The following NOMO3 variants were observed in gnomAD, a reference collection of about 807,000 sequenced individuals.
NOMO3 encodes BOS complex subunit NOMO3.
A neutral mutation model predicts 69.9 loss-of-function variants in NOMO3; 15 were observed. That is an observed-to-expected ratio of 0.21 (90% CI 0.14 to 0.33). The LOEUF (loss-of-function observed/expected upper bound fraction) is 0.33, where lower values mean the gene tolerates loss of function less well. Among genes scored for constraint, NOMO3 ranks in the 10% least tolerant of loss-of-function variants. The probability of loss-of-function intolerance (pLI) is 1.00; values close to 1 mark genes in which losing one functional copy is unlikely to be tolerated. For missense variants in NOMO3, 218 were observed against 761.0 expected, an observed-to-expected ratio of 0.29 and a Z score of 8.39; for synonymous variants, 89 against 301.9, an observed-to-expected ratio of 0.29 and a Z score of 7.31.
At chr16:16,255,423 G>T (rs561370864) in intron 9 of NOMO3, among the ~76,000 whole-genome samples, 6 of 135,386 alleles carry the variant, frequency 4.4e-5, no homozygotes, top group African/African-American at 1.7e-4. Flanking sequence ...ATGGCACAGG[G>T]GTAAGGGTGG....
In NOMO3 at chr16:16,257,717, A is replaced by G. The variant is rs532601253; in HGVS notation, c.1220+1559A>G. Among the ~76,000 whole-genome samples, 448 of 143,324 alleles carry G rather than the reference A, an allele frequency of 3.1e-3. 81 individuals are homozygous for G. Among genetic ancestry groups the G allele is most frequent in the African/African-American group, 0.011 (394 of 34,818 alleles). The allele number at this position is 143,324 out of a possible 152,430, so 94.0% of individuals were successfully genotyped here. A position where few individuals can be genotyped will look rare whatever the true frequency, so the allele number is the denominator to read the frequency against. On this transcript the variant is annotated intron_variant, in intron 11 of 30. Coordinates refer to ENST00000399336, the MANE Select transcript of NOMO3 (RefSeq NM_001004067.4). Reference sequence around the variant, plus strand: ...GGGTAGGAGGTAGGGCCCAACAGGGAGGTGCAGGGAGCTGGGCCCTGGTGA... The same window carrying G: ...GGGTAGGAGGTAGGGCCCAACAGGGGGGTGCAGGGAGCTGGGCCCTGGTGA...
rs964463652 is a variant in NOMO3, at chr16:16,261,211, C to T, written c.1221-291C>T. The T allele has an allele frequency of 1.7e-5, 7 of 417,506 alleles. No homozygotes were observed. In the Admixed American group the frequency reaches 2.9e-4, roughly 17 times the overall value. 25.9% of individuals were successfully genotyped at this position (417,506 alleles called of 1,614,324 possible). On this transcript the variant is annotated intron_variant, in intron 11 of 30. Coordinates refer to ENST00000399336, the MANE Select transcript of NOMO3 (RefSeq NM_001004067.4). ...TATCTGCAGATTTTCTTAAAATTGC[C>T]TCTGCAGTGGGGGATTGCCAGATGT...
rs751910204 is a variant in NOMO3, at chr16:16,255,752, C to T, written c.996C>T (p.Thr332=). The T allele has an allele frequency of 1.0e-5, 16 of 1,587,210 alleles. No homozygotes were observed. The highest frequency in any genetic ancestry group is 2.2e-5 in the South Asian group (2 of 89,146). The change falls in exon 10 of 31, where the codon ACC becomes ACT. Residue 332 remains threonine, a synonymous_variant. Transcript: ENST00000399336. ...TCCACGTCATGGGATTCTCCGTCAC[C>T]GGGAGGGTCTTGAACGGACCCGAAG... The part of the protein sequence containing the change: ...PVFHVMGFSV[T]GRVLNGPEGD...
chr16:16,261,448 C>CT, intron 11 of NOMO3, 54 bp from the exon 12 acceptor site: 1 of 1,558,966 alleles, frequency 6.4e-7, no homozygotes, highest in Non-Finnish European at 8.6e-7. Context: ...CGATAAGAGC[C>CT]TTTCCTGTTA....
intron 9 of NOMO3, among the ~76,000 whole-genome samples, chr16:16,252,828 A>ATTTT (rs1180588275): frequency 4.5e-5 from 3 of 66,712 alleles, no homozygotes; most frequent in African/African-American, 2.3e-4. Flanking sequence ...TGTGGACCTC[A>ATTTT]TTTTTTTTTT....
Position 16,258,859 on chromosome 16 carries a change from C to T in NOMO3, c.1221-2643C>T, listed in dbSNP as rs547670372. ...CAGCCTGGGCGACAGGGTGAGATTC[C>T]GTCTCAAAAAAAAAAAAAAGAGTTA... On this transcript the variant is annotated intron_variant, in intron 11 of 30. Transcript: ENST00000399336. Among the ~76,000 whole-genome samples the T allele has an allele frequency of 8.6e-5, 12 of 139,238 alleles. 2 individuals are homozygous for T. The South Asian group carries it at 2.3e-3, about 27-fold the overall frequency. 91.3% of individuals were successfully genotyped at this position (139,238 alleles called of 152,430 possible).
intron 2 of NOMO3, among the ~76,000 whole-genome samples, chr16:16,238,234 CTT>C (rs539081532): frequency 1.4e-4 from 17 of 122,460 alleles, no homozygotes; most frequent in Non-Finnish European, 1.5e-4. Context: ...GATCTACTGA[CTT>C]TTTTTTTTTT....
intron 16 of NOMO3, among the ~76,000 whole-genome samples, chr16:16,269,429 A>ATTTTTTTTTTTTTTTT (rs750179595): frequency 9.0e-6 from 1 of 111,512 alleles, no homozygotes; most frequent in African/African-American, 4.0e-5. Context: ...GAGAAACCTG[A>ATTTTTTTTTTTTTTTT]TTTTTTTTTT....
Position 16,263,228 on chromosome 16 carries a change from T to C in NOMO3, c.1537+13T>C, listed in dbSNP as rs1305592794. The stretch of plus-strand genomic sequence containing the variant: ...GTCTCTTGTTTGGGTAAGATATCAC[T>C]GGAAAGTAAGAACACATAGTTTCAA... On this transcript the variant is annotated intron_variant, in intron 13 of 30. Transcript: ENST00000399336. 1 of 1,594,406 alleles carries C rather than the reference T, an allele frequency of 6.3e-7. No individual in the cohort carries two copies. Among genetic ancestry groups the C allele is most frequent in the Non-Finnish European group, 8.5e-7 (1 of 1,177,360 alleles).
Position 16,261,666 on chromosome 16 carries a change from A to G in NOMO3, c.1385A>G (p.Tyr462Cys). The G allele has an allele frequency of 4.4e-6, 7 of 1,585,380 alleles. 2 individuals are homozygous for G. The South Asian group carries it at 5.6e-5, about 13-fold the overall frequency. ...SFCFKANPGTYKVQVMVPEAE... is the reference protein window; with the variant it reads ...SFCFKANPGTCKVQVMVPEAE... ...TGTTTTAAAGCAAACCCAGGGACTT[A>G]CAAAGTGCAGGTGCGATGCATTGTT... The change falls in exon 12 of 31, where the codon TAC becomes TGC. Residue 462 changes from tyrosine (Y) to cysteine (C), a missense_variant. Transcript: ENST00000399336.
intron 9 of NOMO3, 76 bp downstream of exon 9, chr16:16,252,598 T>TA (rs968368862): frequency 2.7e-4 from 123 of 450,062 alleles, no homozygotes; most frequent in Non-Finnish European, 3.3e-4. Flanking sequence ...AAACATGTTT[T>TA]AAAAAAAAAT....
Position 16,245,096 on chromosome 16 carries a change from C to T in NOMO3, c.431C>T (p.Pro144Leu). 1 of 1,197,072 alleles carries T rather than the reference C, an allele frequency of 8.4e-7. No homozygotes were observed. Among genetic ancestry groups the T allele is most frequent in the Non-Finnish European group, 1.1e-6 (1 of 886,990 alleles). The allele number at this position is 1,197,072 out of a possible 1,614,324, so 74.2% of individuals were successfully genotyped here. A position where few individuals can be genotyped will look rare whatever the true frequency, so the allele number is the denominator to read the frequency against. The change falls in exon 5 of 31, where the codon CCT becomes CTT. Residue 144 changes from proline to leucine, a missense_variant. By Grantham distance (98) the Pro-to-Leu change is moderately conservative. Coordinates refer to ENST00000399336, the MANE Select transcript of NOMO3 (RefSeq NM_001004067.4). ...CTCAGCAAAGGGCAGCCCCTGGGTC[C>T]TGCGGGAGTTCAGGTGTCTCTGAGA... ...KVLSKGQPLG[P>L]AGVQVSLRNT...
At chr16:16,268,499 C>T (rs2049637441) in intron 16 of NOMO3, among the ~76,000 whole-genome samples, 1 of 144,012 alleles carries the variant, frequency 6.9e-6, no homozygotes. Context: ...TCAGTGGCTC[C>T]TCCGTTTGGT....
chr16:16,244,541 G>A (rs1596801317), intron 4 of NOMO3, among the ~76,000 whole-genome samples: 1 of 63,928 alleles, frequency 1.6e-5, no homozygotes, highest in East Asian at 6.5e-4. Flanking sequence ...TTTTTAAGAT[G>A]GAGTCTCCCT....
chr16:16,267,539 A>G (rs1248261011), intron 16 of NOMO3, among the ~76,000 whole-genome samples: 1 of 142,152 alleles, frequency 7.0e-6, no homozygotes, highest in Non-Finnish European at 1.5e-5. Context: ...GGTTCAGGCG[A>G]TTCCCCTGCC....
chr16:16,263,491 C>T, intron 13 of NOMO3, 22 bp from the exon 14 acceptor site: 1 of 1,042,110 alleles, frequency 9.6e-7, no homozygotes. Flanking sequence ...TCACATGGAG[C>T]CCTCCCTTCT....
chr16:16,250,203 G>T (rs558054673), intron 6 of NOMO3, among the ~76,000 whole-genome samples: 1 of 143,900 alleles, frequency 6.9e-6, no homozygotes, highest in South Asian at 2.2e-4. Flanking sequence ...AAGGGTGGCT[G>T]CTTGAATTGG....
In NOMO3 at chr16:16,243,055, G is replaced by A. The variant is rs1479947383; in HGVS notation, c.302-106G>A. On this transcript the variant is annotated intron_variant, in intron 3 of 30. Transcript: ENST00000399336. The stretch of plus-strand genomic sequence containing the variant: ...TGTATTAAGTGTTCAAAAGTAAAAT[G>A]AAACCTGAATAATAAAAATACGTTC... The A allele has an allele frequency of 9.3e-5, 108 of 1,160,716 alleles. 2 individuals carry two copies. The highest frequency in any genetic ancestry group is 1.2e-4 in the Non-Finnish European group (101 of 851,220). The allele number at this position is 1,160,716 out of a possible 1,614,324, so 71.9% of individuals were successfully genotyped here.
intron 12 of NOMO3, among the ~76,000 whole-genome samples, chr16:16,262,678 AC>A (rs1273267152): frequency 7.6e-6 from 1 of 131,748 alleles, no homozygotes; most frequent in Non-Finnish European, 1.5e-5. Flanking sequence ...GAAGAAAATG[AC>A]TTAATTCCAC....
Sources: allele counts gnomAD v4.1 joint callset (sites outside exome capture counted in the v4.1 genomes callset), GRCh38; gene constraint gnomAD v4.1.1; transcripts MANE v1.5; gene names NCBI Gene and HGNC (gene_info 2026-07-23, HGNC 2026-07-21).